SCAND3: variants seen among roughly 807,000 people sequenced by gnomAD.
SCAND3 encodes the protein SCAN domain containing 3, also known as SCAN domain-containing protein 3.
At chr6:28,615,687 G>A in the SCAND3 span, among the ~76,000 whole-genome samples, 5 of 151,652 alleles carry the variant, frequency 3.3e-5, no homozygotes, top group Non-Finnish European at 5.9e-5. Flanking sequence ...AAATGCACAC[G>A]GAAGACAACG....
At chr6:28,574,724 G>A in the SCAND3 span, 1 of 1,614,068 alleles carries the variant, frequency 6.2e-7, no homozygotes, top group Non-Finnish European at 8.5e-7. Flanking sequence ...AAACTTCTTT[G>A]AATCTCATCA....
chr6:28,615,657 A>T, the SCAND3 span, among the ~76,000 whole-genome samples: 1 of 152,056 alleles, frequency 6.6e-6, no homozygotes, highest in East Asian at 1.9e-4. Context: ...TGTCAACTAC[A>T]TATACAGTAG....
the SCAND3 span, among the ~76,000 whole-genome samples, chr6:28,588,904 C>T: frequency 6.6e-6 from 1 of 152,284 alleles, no homozygotes; most frequent in South Asian, 2.1e-4. The surrounding 1 kb of genome is among the most constrained non-coding windows in gnomAD (Gnocchi z 4.1). Flanking sequence ...CCTTTCCTTG[C>T]GCTGTGCTTT....
chr6:28,573,657 A>T, the SCAND3 span: 130 of 1,612,242 alleles, frequency 8.1e-5, no homozygotes, highest in Non-Finnish European at 1.1e-4. Context: ...CTACAAAACC[A>T]AACTCAATAT....
At chr6:28,583,168 G>A in the SCAND3 span, among the ~76,000 whole-genome samples, 6 of 151,996 alleles carry the variant, frequency 3.9e-5, no homozygotes, top group East Asian at 1.9e-4. Flanking sequence ...CGAGGTGGGC[G>A]GATCACGAGG....
At chr6:28,582,607 C>T in the SCAND3 span, among the ~76,000 whole-genome samples, 5 of 152,256 alleles carry the variant, frequency 3.3e-5, no homozygotes, top group African/African-American at 1.2e-4. This position sits in a 1 kb window ranked among gnomAD's most constrained non-coding sequence, Gnocchi z 4.8. Flanking sequence ...ACAACTTTGT[C>T]ACTAGAGCAT....
chr6:28,573,969 T>C, the SCAND3 span: 4 of 1,129,702 alleles, frequency 3.5e-6, no homozygotes, highest in South Asian at 2.2e-5. Context: ...TAAATGCCTA[T>C]ATTTTCTCAG....
chr6:28,581,995 A>G, the SCAND3 span, among the ~76,000 whole-genome samples: 1 of 152,234 alleles, frequency 6.6e-6, no homozygotes, highest in African/African-American at 2.4e-5. Context: ...TTGATATTCA[A>G]CAACACTAAG....
chr6:28,573,510 T>C, the SCAND3 span: 10 of 1,613,838 alleles, frequency 6.2e-6, no homozygotes, highest in Admixed American at 1.7e-5. Context: ...TTTCAAAGAA[T>C]TCTTTTGGTT....
the SCAND3 span, among the ~76,000 whole-genome samples, chr6:28,607,177 A>G: frequency 3.9e-5 from 6 of 152,064 alleles, no homozygotes; most frequent in Admixed American, 3.9e-4. Context: ...TCAGTGGTAG[A>G]GCGCGTGCTT....
chr6:28,601,762 G>A, the SCAND3 span, among the ~76,000 whole-genome samples: 3 of 152,270 alleles, frequency 2.0e-5, no homozygotes, highest in East Asian at 1.9e-4. Flanking sequence ...CTGAACTTCC[G>A]CCCACCTCGG....
the SCAND3 span, among the ~76,000 whole-genome samples, chr6:28,578,776 G>A: frequency 6.6e-6 from 1 of 152,136 alleles, no homozygotes; most frequent in African/African-American, 2.4e-5. Context: ...TTTTTAAATG[G>A]AAAAGATAGC....
the SCAND3 span, among the ~76,000 whole-genome samples, chr6:28,599,245 C>T: frequency 6.6e-6 from 1 of 152,220 alleles, no homozygotes; most frequent in East Asian, 1.9e-4. Flanking sequence ...TCCATTTGGT[C>T]TATAGATTCA....
At chr6:28,581,438 G>A in the SCAND3 span, among the ~76,000 whole-genome samples, 1 of 152,072 alleles carries the variant, frequency 6.6e-6, no homozygotes, top group Non-Finnish European at 1.5e-5. Context: ...CAATAAATTC[G>A]AACATCTAAC....
chr6:28,586,596 C>G, the SCAND3 span: 5 of 1,614,218 alleles, frequency 3.1e-6, no homozygotes, highest in Non-Finnish European at 4.2e-6. The surrounding 1 kb of genome is among the most constrained non-coding windows in gnomAD (Gnocchi z 4.4). Context: ...CAAATTCCTA[C>G]GTAGGGCTGA....
At chr6:28,596,109 T>C in the SCAND3 span, among the ~76,000 whole-genome samples, 1 of 152,352 alleles carries the variant, frequency 6.6e-6, no homozygotes, top group Admixed American at 6.5e-5. Flanking sequence ...TTTTAAAAAT[T>C]TATATTGCAG....
chr6:28,592,483 T>C, the SCAND3 span, among the ~76,000 whole-genome samples: 2 of 152,160 alleles, frequency 1.3e-5, no homozygotes, highest in African/African-American at 4.8e-5. This position sits in a 1 kb window ranked among gnomAD's most constrained non-coding sequence, Gnocchi z 4.1. Flanking sequence ...ATTAATATCG[T>C]TAAAATGTCT....
At chr6:28,602,661 A>G in the SCAND3 span, among the ~76,000 whole-genome samples, 1 of 152,324 alleles carries the variant, frequency 6.6e-6, no homozygotes, top group Admixed American at 6.5e-5. Context: ...ACTGTTTTAT[A>G]TTAACTTTAT....
the SCAND3 span, among the ~76,000 whole-genome samples, chr6:28,579,720 A>C: frequency 1.3e-5 from 2 of 152,188 alleles, no homozygotes; most frequent in African/African-American, 4.8e-5. The surrounding 1 kb of genome is among the most constrained non-coding windows in gnomAD (Gnocchi z 4.5). Context: ...TGACTGAAAA[A>C]AATTGTAAAT....
Sources: allele counts gnomAD v4.1 joint callset (sites outside exome capture counted in the v4.1 genomes callset), GRCh38; gene constraint gnomAD v4.1.1; non-coding constraint Gnocchi (gnomAD v3.1); transcripts MANE v1.5; gene names NCBI Gene and HGNC (gene_info 2026-07-23, HGNC 2026-07-21).